SORCS3: variants seen among roughly 807,000 people sequenced by gnomAD.
SORCS3 encodes sortilin related VPS10 domain containing receptor 3, also known as VPS10 domain-containing receptor SorCS3.
Under a neutral mutation model 146.3 loss-of-function variants are expected in SORCS3, and 57 were observed. The observed-to-expected ratio is 0.39, with a 90% CI of 0.31 to 0.49. The LOEUF is 0.49. Among genes scored for constraint, SORCS3 ranks in the 20% least tolerant of loss-of-function variants. SORCS3 has a pLI of 0.92. For synonymous variants in SORCS3, 653 were observed against 618.5 expected (o/e 1.06, Z -0.83); for missense variants, 1,341 against 1,575.5 (o/e 0.85, Z 2.52).
chr10:104,666,728 C>G (rs1038730002), intron 1 of SORCS3, among the ~76,000 whole-genome samples: 6 of 152,130 alleles, frequency 3.9e-5, no homozygotes, highest in African/African-American at 1.4e-4. Context: ...GCCTCAGTTT[C>G]CCAAGTAGCT....
At chr10:105,109,610 G>A (rs981659241) in intron 7 of SORCS3, among the ~76,000 whole-genome samples, 4 of 152,038 alleles carry the variant, frequency 2.6e-5, no homozygotes, top group South Asian at 2.1e-4. Context: ...GGTATAAAAT[G>A]TATGTGTCAT....
At chr10:104,854,484 C>T (rs796175801) in intron 2 of SORCS3, among the ~76,000 whole-genome samples, 17 of 152,220 alleles carry the variant, frequency 1.1e-4, no homozygotes, top group African/African-American at 4.1e-4. Flanking sequence ...CAGTCCCCCT[C>T]GATATTTTGC....
At position 105,086,968 on chromosome 10, in the gene SORCS3, G is replaced by C. The variant is rs1170266298; in HGVS notation, c.1029-2807G>C. Among the ~76,000 whole-genome samples, 6 of 152,248 alleles carry C rather than the reference G, an allele frequency of 3.9e-5. No individual in the cohort carries two copies. In the East Asian group the frequency reaches 5.8e-4, roughly 15 times the overall value. On this transcript the variant is annotated intron_variant, in intron 5 of 26. Transcript: ENST00000369701. ...TGTTGCAATTGCTTTTGGTGTTTTA[G>C]TCATGAAGTCTTTGCCCATGCCTAT...
chr10:105,135,517 A>T (rs1045324828), intron 7 of SORCS3, among the ~76,000 whole-genome samples: 1 of 152,078 alleles, frequency 6.6e-6, no homozygotes, highest in Non-Finnish European at 1.5e-5. Context: ...TTCTCTCTCA[A>T]ACTTGCCTTT....
chr10:105,250,806 C>T (rs2056893906), intron 22 of SORCS3, among the ~76,000 whole-genome samples: 2 of 152,108 alleles, frequency 1.3e-5, no homozygotes, highest in South Asian at 2.1e-4. Flanking sequence ...GAGGATGCCT[C>T]CCTGGTTGGT....
intron 7 of SORCS3, among the ~76,000 whole-genome samples, chr10:105,126,900 A>G (rs915617628): frequency 1.3e-5 from 2 of 152,130 alleles, no homozygotes; most frequent in African/African-American, 4.8e-5. Context: ...GTACCATGGC[A>G]TTATTACTGG....
At chr10:104,745,994 G>A (rs1179250133) in intron 1 of SORCS3, among the ~76,000 whole-genome samples, 1 of 152,054 alleles carries the variant, frequency 6.6e-6, no homozygotes, top group Non-Finnish European at 1.5e-5. Context: ...TGGACACTTA[G>A]GTTGCATCCA....
At position 104,834,837 on chromosome 10, in the gene SORCS3, A is replaced by G. The variant is rs374762133; in HGVS notation, c.628-7955A>G. Among the ~76,000 whole-genome samples, 3 of 152,182 alleles carry G rather than the reference A, an allele frequency of 2.0e-5. No homozygotes were observed. The South Asian group carries it at 6.2e-4, about 32-fold the overall frequency. ...TTTGGTGAATGAATGGAAAAATTAT[A>G]AGGACCTGAAATTGGTCAATGTAGT... On this transcript the variant is annotated intron_variant, in intron 1 of 26. Coordinates refer to ENST00000369701, the MANE Select transcript of SORCS3 (RefSeq NM_014978.3).
intron 14 of SORCS3, among the ~76,000 whole-genome samples, chr10:105,199,205 C>T (rs952305486): frequency 7.9e-5 from 12 of 151,614 alleles, no homozygotes; most frequent in African/African-American, 1.9e-4. Flanking sequence ...ACACGCCACC[C>T]GAGTAGAGTA....
intron 1 of SORCS3, among the ~76,000 whole-genome samples, chr10:104,667,755 A>G (rs2015799555): frequency 6.6e-6 from 1 of 152,160 alleles, no homozygotes; most frequent in Non-Finnish European, 1.5e-5. Context: ...TATGATTGTG[A>G]TTTCAAGTTG....
intron 1 of SORCS3, among the ~76,000 whole-genome samples, chr10:104,796,535 C>A (rs904188759): frequency 6.6e-6 from 1 of 151,818 alleles, no homozygotes; most frequent in African/African-American, 2.4e-5. Flanking sequence ...CATTTCCCTG[C>A]TTCACAATTA....
At chr10:105,138,380 A>G (rs1039985594) in intron 7 of SORCS3, among the ~76,000 whole-genome samples, 1 of 152,194 alleles carries the variant, frequency 6.6e-6, no homozygotes, top group Non-Finnish European at 1.5e-5. Flanking sequence ...TTCTGCTCCC[A>G]GTAGGGCCTG....
intron 2 of SORCS3, among the ~76,000 whole-genome samples, chr10:104,871,034 G>A (rs1383220507): frequency 6.6e-6 from 1 of 152,166 alleles, no homozygotes; most frequent in African/African-American, 2.4e-5. Context: ...TGGGGGCAGG[G>A]ATGACCCTCT....
chr10:105,107,899 G>A (rs1433460838), intron 7 of SORCS3, among the ~76,000 whole-genome samples: 1 of 152,156 alleles, frequency 6.6e-6, no homozygotes, highest in Non-Finnish European at 1.5e-5. Context: ...ACCTTGAGCT[G>A]TGCATCATTT....
chr10:105,171,616 T>C (rs575370654), intron 13 of SORCS3, among the ~76,000 whole-genome samples: 2 of 152,340 alleles, frequency 1.3e-5, no homozygotes, highest in South Asian at 4.1e-4. Context: ...AAACAATACA[T>C]GTCTCTGAAA....
chr10:105,059,341 G>A (rs2133716679), intron 5 of SORCS3, among the ~76,000 whole-genome samples: 1 of 152,290 alleles, frequency 6.6e-6, no homozygotes, highest in East Asian at 1.9e-4. Context: ...ATACTTCCGT[G>A]TGCTTTGCAG....
intron 14 of SORCS3, among the ~76,000 whole-genome samples, chr10:105,183,257 G>A (rs577996485): frequency 6.6e-6 from 1 of 152,274 alleles, no homozygotes; most frequent in East Asian, 1.9e-4. Flanking sequence ...AGTTGTAATT[G>A]GCATAAATCT....
intron 20 of SORCS3, among the ~76,000 whole-genome samples, chr10:105,232,739 A>G (rs2056772467): frequency 6.6e-6 from 1 of 152,030 alleles, no homozygotes; most frequent in African/African-American, 2.4e-5. Flanking sequence ...CATTTAGTTG[A>G]ACATACTTTT....
chr10:104,790,857 T>C (rs1389431701), intron 1 of SORCS3, among the ~76,000 whole-genome samples: 11 of 152,340 alleles, frequency 7.2e-5, no homozygotes, highest in South Asian at 4.1e-4. Flanking sequence ...CAATCACTAT[T>C]GAATGAAGCT....
Sources: gnomAD v4.1 joint callset for allele counts (sites outside exome capture counted in the v4.1 genomes callset) on GRCh38, gnomAD v4.1.1 for gene constraint, MANE v1.5 for transcripts, NCBI Gene and HGNC (gene_info 2026-07-23, HGNC 2026-07-21) for gene names.